WASHC4: variants seen among roughly 807,000 people sequenced by gnomAD.
WASHC4 encodes the protein WASH complex subunit 4, also known as WASH complex subunit 7.
Under a neutral mutation model 166.6 loss-of-function variants are expected in WASHC4, and 86 were observed. That is an observed-to-expected ratio of 0.52 (90% CI 0.43 to 0.62). The LOEUF is 0.62. Ranked by LOEUF, WASHC4 falls within the 20% of genes least tolerant of loss-of-function variation. WASHC4 has a pLI of 0.00. For synonymous variants in WASHC4, 446 were observed against 451.6 expected (o/e 0.99, Z 0.16); for missense variants, 1,262 against 1,382.4 (o/e 0.91, Z 1.38).
intron 29 of WASHC4, 33 bp downstream of exon 29, chr12:105,160,181 T>G (rs1381426297): frequency 1.3e-6 from 2 of 1,590,468 alleles, no homozygotes; most frequent in Non-Finnish European, 8.6e-7. Flanking sequence ...ATGAATTTTT[T>G]TTTTAAAAAG....
intron 10 of WASHC4, 106 bp from the exon 11 acceptor site, chr12:105,125,898 G>T (rs1401757304): frequency 7.3e-6 from 8 of 1,094,478 alleles, no homozygotes; most frequent in Non-Finnish European, 9.3e-6. Context: ...AAATTTAAAT[G>T]ATGAATATAG....
rs934569593 is a variant in WASHC4, at chr12:105,149,807, T to G, written c.2649+58T>G. The G allele has an allele frequency of 4.0e-6, 6 of 1,490,696 alleles. No individual in the cohort carries two copies. In the Admixed American group the frequency reaches 8.2e-5, roughly 20 times the overall value. 92.3% of individuals were successfully genotyped at this position (1,490,696 alleles called of 1,614,324 possible). ...TAAGCTATTGAGTATATGGCAAATG[T>G]GTATGCTAAAATTCATTATTTAGAT... is the stretch of plus-strand genomic sequence containing the variant. On this transcript the variant is annotated intron_variant, in intron 25 of 32. Transcript: ENST00000332180.
intron 10 of WASHC4, among the ~76,000 whole-genome samples, chr12:105,124,615 G>C (rs1036625422): frequency 6.6e-6 from 1 of 151,888 alleles, no homozygotes; most frequent in Non-Finnish European, 1.5e-5. Flanking sequence ...CGAGTAGCTG[G>C]GATTACAGGC....
chr12:105,126,437 C>A, intron 12 of WASHC4, 75 bp downstream of exon 12: 1 of 1,115,752 alleles, frequency 9.0e-7, no homozygotes, highest in Non-Finnish European at 1.3e-6. Flanking sequence ...TTTTAAAATG[C>A]ATTTTATTCC....
chr12:105,156,658 T>G (rs992799969), intron 26 of WASHC4, 68 bp from the exon 27 acceptor site: 1 of 1,303,216 alleles, frequency 7.7e-7, no homozygotes, highest in African/African-American at 1.5e-5. Flanking sequence ...CTACTGTATG[T>G]AACTATATTC....
At position 105,137,908 on chromosome 12, in the gene WASHC4, T is replaced by G; in HGVS notation, c.1349T>G (p.Ile450Ser). The G allele has an allele frequency of 6.2e-7, 1 of 1,608,476 alleles. No individual in the cohort carries two copies. Among genetic ancestry groups the G allele is most frequent in the South Asian group, 1.1e-5 (1 of 90,940 alleles). Residue 450 changes from isoleucine (I) to serine (S), a missense_variant, in exon 15 of 33, where the codon ATT becomes AGT. Physicochemically the swap from Ile to Ser is moderately radical, Grantham distance 142. Transcript: ENST00000332180. The part of the protein sequence containing the change: ...FIQGFLYAYS[I>S]STIIKTTMNL... The stretch of plus-strand genomic sequence containing the variant: ...CAGGGCTTCTTGTATGCATATAGTA[T>G]TAGTACCATTATTAAAACCACAATG...
At chr12:105,107,957 C>A in intron 1 of WASHC4, 96 bp downstream of exon 1, 2 of 914,456 alleles carry the variant, frequency 2.2e-6, no homozygotes, top group Non-Finnish European at 1.7e-6. Flanking sequence ...GACGGCTGCG[C>A]AGCCGTCTGG....
chr12:105,126,646 T>C (rs1051353266), intron 12 of WASHC4, among the ~76,000 whole-genome samples: 2 of 152,048 alleles, frequency 1.3e-5, no homozygotes, highest in Admixed American at 1.3e-4. Context: ...TGCCACTGAT[T>C]TTCATTACTG....
intron 18 of WASHC4, 57 bp downstream of exon 18, chr12:105,141,303 G>A (rs1882829055): frequency 8.4e-7 from 1 of 1,189,544 alleles, no homozygotes; most frequent in African/African-American, 1.5e-5. Flanking sequence ...TAGAAACATT[G>A]ATTTTCTTTT....
chr12:105,111,595 T>C (rs899882473), intron 2 of WASHC4, among the ~76,000 whole-genome samples: 3 of 152,156 alleles, frequency 2.0e-5, no homozygotes, highest in Non-Finnish European at 4.4e-5. Flanking sequence ...TGAGACTATT[T>C]TACATAGAGT....
chr12:105,115,287 A>G, intron 5 of WASHC4, 58 bp downstream of exon 5: 1 of 1,049,784 alleles, frequency 9.5e-7, no homozygotes, highest in South Asian at 1.3e-5. Flanking sequence ...ACAAAAAGTT[A>G]ACAGACAATT....
chr12:105,168,439 TAA>T lies in WASHC4; in HGVS notation c.*1509_*1510del, dbSNP rs58740108. The T allele has an allele frequency of 0.13, 19,846 of 152,414 alleles. 1,483 individuals carry two copies. Among genetic ancestry groups the T allele is most frequent in the African/African-American group, 0.21 (8,870 of 41,486 alleles). 9.4% of individuals were successfully genotyped at this position (152,414 alleles called of 1,614,324 possible). On this transcript the variant is annotated 3_prime_UTR_variant, in exon 33 of 33. Transcript: ENST00000332180. ...TTAATAATTTATATTTTCATTATTA[TAA>T]GTGTTTATATTAATGATCTTGCATT...
intron 20 of WASHC4, among the ~76,000 whole-genome samples, chr12:105,144,045 A>T (rs1440786309): frequency 6.6e-6 from 1 of 151,338 alleles, no homozygotes; most frequent in Admixed American, 6.6e-5. Flanking sequence ...GCTGGTTTCC[A>T]TAAATTTTAT....
chr12:105,140,570 C>G (rs2135790590), intron 16 of WASHC4, among the ~76,000 whole-genome samples, 169 bp downstream of exon 16: 1 of 152,256 alleles, frequency 6.6e-6, no homozygotes, highest in East Asian at 1.9e-4. Context: ...AAGTTATTGG[C>G]ATTATCTTTA....
intron 12 of WASHC4, among the ~76,000 whole-genome samples, chr12:105,126,790 T>G (rs1384941672): frequency 6.6e-6 from 1 of 152,054 alleles, no homozygotes; most frequent in Admixed American, 6.5e-5. Flanking sequence ...CAGCCAATTT[T>G]TTAAAAAACT....
intron 6 of WASHC4, among the ~76,000 whole-genome samples, chr12:105,118,091 AATTTAT>A (rs1880356986): frequency 6.6e-6 from 1 of 152,170 alleles, no homozygotes; most frequent in Non-Finnish European, 1.5e-5. Flanking sequence ...ATAGGGTAGA[AATTTAT>A]TGAGAAGCAG....
At chr12:105,165,901 A>G (rs1884782346) in intron 32 of WASHC4, among the ~76,000 whole-genome samples, 1 of 152,194 alleles carries the variant, frequency 6.6e-6, no homozygotes, top group African/African-American at 2.4e-5. Flanking sequence ...TTCATTTTCA[A>G]GGATAAATTA....
At chr12:105,150,996 C>G (rs909512369) in intron 25 of WASHC4, among the ~76,000 whole-genome samples, 3 of 150,894 alleles carry the variant, frequency 2.0e-5, no homozygotes, top group African/African-American at 7.4e-5. Context: ...ATTATGGGAA[C>G]TATAATTCAA....
chr12:105,137,815 GCT>G, intron 14 of WASHC4, 69 bp from the exon 15 acceptor site: 3 of 1,295,150 alleles, frequency 2.3e-6, no homozygotes, highest in Non-Finnish European at 3.3e-6. Flanking sequence ...AGGAATAGCT[GCT>G]GTTAAATAGA....
Sources: allele counts gnomAD v4.1 joint callset (sites outside exome capture counted in the v4.1 genomes callset), GRCh38; gene constraint gnomAD v4.1.1; transcripts MANE v1.5; gene names NCBI Gene and HGNC (gene_info 2026-07-23, HGNC 2026-07-21).